TMEM183A: variants seen among roughly 807,000 people sequenced by gnomAD.
The protein encoded by TMEM183A is chromosome 1 open reading frame 37.
A neutral mutation model predicts 46.7 loss-of-function variants in TMEM183A; 21 were observed. The ratio of observed to expected loss-of-function variants is 0.45; its 90% confidence interval spans 0.32 to 0.65. The LOEUF (loss-of-function observed/expected upper bound fraction) is 0.65. Among genes scored for constraint, TMEM183A ranks in the 30% least tolerant of loss-of-function variants. The pLI, the probability that TMEM183A is intolerant of heterozygous loss-of-function variation, is 0.04. For missense variants in TMEM183A, 331 were observed against 481.9 expected, an observed-to-expected ratio of 0.69 and a Z score of 2.93; for synonymous variants, 165 against 180.2, an observed-to-expected ratio of 0.92 and a Z score of 0.68.
rs1357945340 is a variant in TMEM183A at position 203,022,894 on chromosome 1, G to A, written c.985G>A (p.Val329Met). 1 of 1,613,588 alleles carries A rather than the reference G, an allele frequency of 6.2e-7. No homozygotes were observed. Among genetic ancestry groups the A allele is most frequent in the East Asian group, 2.2e-5 (1 of 44,874 alleles). Residue 329 changes from valine to methionine, a missense_variant, in exon 8 of 8, where the codon GTG becomes ATG. Physicochemically the swap from Val to Met is conservative, Grantham distance 21 (BLOSUM62 1). Transcript: ENST00000367242. The part of the protein sequence containing the change: ...NVSTDMRHHR[V>M]RLVFQDSPVH... ...GAGCACGGACATGCGGCATCATCGA[G>A]TGAGACTGGTGTTCCAAGATTCCCC... is the stretch of plus-strand genomic sequence containing the variant.
At position 203,007,374 on chromosome 1, in the gene TMEM183A, C is replaced by T. The variant is rs751184979; in HGVS notation, c.-92C>T. 2 of 1,255,932 alleles carry T rather than the reference C, an allele frequency of 1.6e-6. No individual in the cohort carries two copies. The highest frequency in any genetic ancestry group is 3.9e-5 in the Admixed American group (1 of 25,880). The allele number at this position is 1,255,932 out of a possible 1,614,324, so 77.8% of individuals were successfully genotyped here. A position where few individuals can be genotyped will look rare whatever the true frequency, so the allele number is the denominator to read the frequency against. ...GCGACTCGGAACCCGGACCTATGTT[C>T]TCGCGAGAGTTAGCGGCCTCCGGTG... is the stretch of plus-strand genomic sequence containing the variant. On this transcript the variant is annotated 5_prime_UTR_variant, in exon 1 of 8. Coordinates refer to ENST00000367242, the MANE Select transcript of TMEM183A (RefSeq NM_138391.6).
chr1:203,010,238 T>C (rs1656432203), intron 3 of TMEM183A, among the ~76,000 whole-genome samples: 1 of 152,206 alleles, frequency 6.6e-6, no homozygotes, highest in South Asian at 2.1e-4. Flanking sequence ...TAATAGATAT[T>C]TTTATTTGTT....
intron 5 of TMEM183A, chr1:203,017,742 C>G: frequency 2.0e-6 from 2 of 985,888 alleles, no homozygotes; most frequent in Non-Finnish European, 2.4e-6. Context: ...GATTCCCCCT[C>G]TCTCTCTTTT....
intron 7 of TMEM183A, among the ~76,000 whole-genome samples, chr1:203,021,940 A>G (rs1210157507): frequency 2.0e-5 from 3 of 152,194 alleles, no homozygotes; most frequent in Non-Finnish European, 2.9e-5. Context: ...AAGGTGACTT[A>G]GACTTCCACT....
At chr1:203,011,925 A>G (rs1185231387) in intron 3 of TMEM183A, among the ~76,000 whole-genome samples, 1 of 141,494 alleles carries the variant, frequency 7.1e-6, no homozygotes, top group Non-Finnish European at 1.6e-5. Flanking sequence ...CAGCAGGTAT[A>G]ATGTATTTTT....
At chr1:203,017,371 A>G (rs1657262828) in intron 5 of TMEM183A, among the ~76,000 whole-genome samples, 1 of 151,972 alleles carries the variant, frequency 6.6e-6, no homozygotes, top group African/African-American at 2.4e-5. Flanking sequence ...CATTGGGCAA[A>G]CTCCTCATGC....
At chr1:203,015,866 G>C in intron 4 of TMEM183A, 94 bp from the exon 5 acceptor site, 4 of 1,493,266 alleles carry the variant, frequency 2.7e-6, no homozygotes, top group Non-Finnish European at 3.6e-6. Flanking sequence ...GAATAGTGCA[G>C]TAAAGTTCAT....
At chr1:203,011,788 A>G (rs1656618169) in intron 3 of TMEM183A, among the ~76,000 whole-genome samples, 1 of 151,494 alleles carries the variant, frequency 6.6e-6, no homozygotes. Context: ...TTTATGGCTT[A>G]CAGGCACTTA....
At position 203,014,838 on chromosome 1, in the gene TMEM183A, A is replaced by G. The variant is rs774116990; in HGVS notation, c.368-51A>G. 49 of 1,596,894 alleles carry G rather than the reference A, an allele frequency of 3.1e-5. 1 individual carries two copies. Among genetic ancestry groups the G allele is most frequent in the Non-Finnish European group, 3.9e-5 (46 of 1,169,568 alleles). Reference sequence around the variant, plus strand: ...CTTGGGAGAAATGAAATTATCGAGTATCTTTAGATATGGTGTAGAAGATCA... The same window carrying G: ...CTTGGGAGAAATGAAATTATCGAGTGTCTTTAGATATGGTGTAGAAGATCA... On this transcript the variant is annotated intron_variant, in intron 3 of 7. Coordinates refer to ENST00000367242, the MANE Select transcript of TMEM183A (RefSeq NM_138391.6).
chr1:203,017,545 C>T (rs1657283197), intron 5 of TMEM183A, among the ~76,000 whole-genome samples: 1 of 152,164 alleles, frequency 6.6e-6, no homozygotes, highest in African/African-American at 2.4e-5. Flanking sequence ...ATAGTAAGCC[C>T]AGGCCATCTG....
intron 6 of TMEM183A, 55 bp from the exon 7 acceptor site, chr1:203,020,738 T>TA: frequency 6.2e-7 from 1 of 1,610,420 alleles, no homozygotes; most frequent in East Asian, 2.2e-5. Flanking sequence ...GGTGGACTCT[T>TA]AGAGCCATAT....
rs533299146 is a variant in TMEM183A, at chr1:203,024,840, A to G, written c.*1800A>G. 12 of 152,322 alleles carry G rather than the reference A, an allele frequency of 7.9e-5. No individual in the cohort carries two copies. The South Asian group carries it at 1.4e-3, about 18-fold the overall frequency. The allele number at this position is 152,322 out of a possible 1,614,324, so 9.4% of individuals were successfully genotyped here. ...AAGGGGGTGAAATAAATTTGGCTTA[A>G]TAATTGTATTCTGACTCAGCTCTGA... On this transcript the variant is annotated 3_prime_UTR_variant, in exon 8 of 8. Transcript: ENST00000367242.
In TMEM183A at chr1:203,020,780, C is replaced by T; in HGVS notation, c.790-13C>T. 1.9e-6 allele frequency: 3 copies of T among 1,613,630 alleles called. No individual in the cohort carries two copies. Among genetic ancestry groups the T allele is most frequent in the African/African-American group, 1.3e-5 (1 of 74,994 alleles). On this transcript the variant is annotated splice_polypyrimidine_tract_variant and intron_variant, in intron 6 of 7. Coordinates refer to ENST00000367242, the MANE Select transcript of TMEM183A (RefSeq NM_138391.6). ...TCTTCTAAGCCATTGGATTAATTCTCAGTTCTCTTCAGTCCCCTAGGTTAA... is the reference window on the plus strand; with the variant it reads ...TCTTCTAAGCCATTGGATTAATTCTTAGTTCTCTTCAGTCCCCTAGGTTAA...
rs769577143 is a variant in TMEM183A, at chr1:203,016,113, C to G, written c.681C>G (p.Ser227Arg). Residue 227 changes from serine (S) to arginine (R), a missense_variant, in exon 5 of 8, where the codon AGC becomes AGG. Ser to Arg is a moderately radical substitution (Grantham distance 110). This residue lies in a region of TMEM183A where 233 missense variants were observed against 385.8 expected (regional missense o/e 0.60). Transcript: ENST00000367242. ...RISKNPAIPE[S>R]TPSTLKNSKC... ...CCAAGAATCCAGCCATTCCAGAAAGCACCCCCAGCACATTAAAGAATTCCA... is the reference window on the plus strand; with the variant it reads ...CCAAGAATCCAGCCATTCCAGAAAGGACCCCCAGCACATTAAAGAATTCCA... 1.9e-6 allele frequency: 3 copies of G among 1,614,184 alleles called. No homozygotes were observed. Among genetic ancestry groups the G allele is most frequent in the Non-Finnish European group, 2.5e-6 (3 of 1,180,028 alleles).
rs775326318 is a variant in TMEM183A, at chr1:203,007,463, G to C, written c.-3G>C. Reference sequence around the variant, plus strand: ...TCCCGGGGCCGGCTCTCCGGCCGGAGACATGGCCCGGGGGCCCGGCCCGCT... The same window carrying C: ...TCCCGGGGCCGGCTCTCCGGCCGGACACATGGCCCGGGGGCCCGGCCCGCT... On this transcript the variant is annotated 5_prime_UTR_variant, in exon 1 of 8. Coordinates refer to ENST00000367242, the MANE Select transcript of TMEM183A (RefSeq NM_138391.6). 1.4e-6 allele frequency: 2 copies of C among 1,442,644 alleles called. No individual in the cohort carries two copies. Among genetic ancestry groups the C allele is most frequent in the Admixed American group, 4.9e-5 (2 of 41,074 alleles). 89.4% of individuals were successfully genotyped at this position (1,442,644 alleles called of 1,614,324 possible). A position where few individuals can be genotyped will look rare whatever the true frequency, so the allele number is the denominator to read the frequency against.
Position 203,013,943 on chromosome 1 carries a change from T to C in TMEM183A, c.368-946T>C, listed in dbSNP as rs1310096974. Among the ~76,000 whole-genome samples the C allele has an allele frequency of 1.3e-5, 2 of 151,424 alleles. No individual in the cohort carries two copies. The highest frequency in any genetic ancestry group is 2.4e-5 in the African/African-American group (1 of 41,108). ...CTAATTTTTGTATTTTTAGTAGAGA[T>C]GGAGTTTCACCATGTTGGCCAGGAT... is the stretch of plus-strand genomic sequence containing the variant. On this transcript the variant is annotated intron_variant, in intron 3 of 7. Coordinates refer to ENST00000367242, the MANE Select transcript of TMEM183A (RefSeq NM_138391.6). The surrounding 1 kb of genome is among the most constrained non-coding windows in gnomAD (Gnocchi z 4.0).
intron 5 of TMEM183A, chr1:203,017,746 C>A: frequency 1.0e-6 from 1 of 985,914 alleles, no homozygotes; most frequent in Non-Finnish European, 1.2e-6. Context: ...CCCCCTCTCT[C>A]TCTTTTCAGT....
Position 203,016,004 on chromosome 1 carries a change from A to C in TMEM183A, c.572A>C (p.Glu191Ala). The change falls in exon 5 of 8, where the codon GAG (glutamate) becomes GCG (alanine). Residue 191 changes from glutamate (E) to alanine (A), a missense_variant. Glu to Ala is a moderately radical substitution (Grantham distance 107). Transcript: ENST00000367242. ...TCCCTGCCTTTGCGTCTGCGACCAGAGTCAATGGAGAAGCTGCGCTGTCTC... is the reference window on the plus strand; with the variant it reads ...TCCCTGCCTTTGCGTCTGCGACCAGCGTCAATGGAGAAGCTGCGCTGTCTC... ...DASLPLRLRPESMEKLRCLRA... is the reference protein window; with the variant it reads ...DASLPLRLRPASMEKLRCLRA... 1 of 1,614,008 alleles carries C rather than the reference A, an allele frequency of 6.2e-7. No individual in the cohort carries two copies. Among genetic ancestry groups the C allele is most frequent in the Non-Finnish European group, 8.5e-7 (1 of 1,179,878 alleles).
intron 6 of TMEM183A, among the ~76,000 whole-genome samples, chr1:203,018,976 T>G (rs1325256121): frequency 6.6e-6 from 1 of 152,230 alleles, no homozygotes; most frequent in Non-Finnish European, 1.5e-5. Flanking sequence ...TGTTGGAGAT[T>G]AAGTGTCCAC....
Sources: allele counts gnomAD v4.1 joint callset (sites outside exome capture counted in the v4.1 genomes callset), GRCh38; gene constraint gnomAD v4.1.1; regional missense constraint gnomAD v4.1.1; non-coding constraint Gnocchi (gnomAD v3.1); transcripts MANE v1.5; gene names NCBI Gene and HGNC (gene_info 2026-07-23, HGNC 2026-07-21).